The following DYNC2I1 variants were observed in gnomAD, a reference collection of about 807,000 sequenced individuals.
The protein encoded by DYNC2I1 is cytoplasmic dynein 2 intermediate chain 1.
DYNC2I1 carries 89 observed loss-of-function variants against 133.4 expected under a neutral mutation model. The ratio of observed to expected loss-of-function variants is 0.67; its 90% CI spans 0.56 to 0.80. The LOEUF (loss-of-function observed/expected upper bound fraction) is 0.80, where lower values mean the gene tolerates loss of function less well. DYNC2I1 is among the 30% of genes least tolerant of loss of function. DYNC2I1 has a pLI of 0.00. For synonymous variants in DYNC2I1, 504 were observed against 484.3 expected, an observed-to-expected ratio of 1.04 and a Z score of -0.54; for missense variants, 1,291 against 1,314.5, an observed-to-expected ratio of 0.98 and a Z score of 0.28.
chr7:158,879,638 C>G (rs1275890613), intron 4 of DYNC2I1, 46 bp from the exon 5 acceptor site: 1 of 1,516,672 alleles, frequency 6.6e-7, no homozygotes, highest in African/African-American at 1.4e-5. Flanking sequence ...TGGCTGCACT[C>G]CTATTTGATG....
rs886635408 is a variant in DYNC2I1 at position 158,877,273 on chromosome 7, T to A, written c.573+582T>A. Among the ~76,000 whole-genome samples the A allele has an allele frequency of 1.8e-4, 28 of 151,626 alleles. 1 individual carries two copies. Among genetic ancestry groups the A allele is most frequent in the Middle Eastern group, 3.4e-3 (1 of 294 alleles). On this transcript the variant is annotated intron_variant, in intron 4 of 24. Coordinates refer to ENST00000407559, the MANE Select transcript of DYNC2I1 (RefSeq NM_018051.5). ...TTCCGCGGCGCGGGTGTGTTGGTGC[T>A]CTCCAGGCACCTGCGGTTCCGGATT...
intron 8 of DYNC2I1, among the ~76,000 whole-genome samples, chr7:158,894,132 A>ACCGCATATCCTACCGCATATCC (rs1554455812): frequency 0.021 from 3,181 of 151,068 alleles, 81 homozygotes; most frequent in African/African-American, 0.053. Context: ...ACCGCATATC[A>ACCGCATATCCTACCGCATATCC]TACCGCATAT....
At chr7:158,920,535 C>G (rs1848961207) in intron 15 of DYNC2I1, among the ~76,000 whole-genome samples, 1 of 151,934 alleles carries the variant, frequency 6.6e-6, no homozygotes. Context: ...TGTTGGGGAA[C>G]TCGTGAAGTG....
chr7:158,859,668 A>G (rs1332897990), intron 1 of DYNC2I1, among the ~76,000 whole-genome samples: 6 of 152,008 alleles, frequency 3.9e-5, no homozygotes, highest in Non-Finnish European at 5.9e-5. Context: ...ACGCCCAGCT[A>G]ATTTTTGTAT....
At chr7:158,846,521 AT>A in the DYNC2I1 span, among the ~76,000 whole-genome samples, 1 of 152,168 alleles carries the variant, frequency 6.6e-6, no homozygotes. Flanking sequence ...AAAAAAAGGA[AT>A]TTTTTAAAGT....
At chr7:158,854,513 G>C (rs58056552), upstream of DYNC2I1, among the ~76,000 whole-genome samples, 4,743 of 151,278 alleles carry the variant, frequency 0.031, 268 homozygotes, top group African/African-American at 0.11. Flanking sequence ...GGGGGCTGGG[G>C]GATAGCATTA....
Position 158,930,533 on chromosome 7 carries a change from A to T in DYNC2I1, c.2546+18A>T. On this transcript the variant is annotated intron_variant, in intron 21 of 24. Coordinates refer to ENST00000407559, the MANE Select transcript of DYNC2I1 (RefSeq NM_018051.5). ...GGTGACAGGTAAGATGTGAGGGAAAATGCTTCACTATCTCACAAAGACCTA... is the reference window on the plus strand; with the variant it reads ...GGTGACAGGTAAGATGTGAGGGAAATTGCTTCACTATCTCACAAAGACCTA... 1 of 1,605,222 alleles carries T rather than the reference A, an allele frequency of 6.2e-7. No individual in the cohort carries two copies.
In DYNC2I1 at chr7:158,869,842, C is replaced by G; in HGVS notation, c.16-13C>G. The G allele has an allele frequency of 6.2e-7, 1 of 1,605,346 alleles. No individual in the cohort carries two copies. The highest frequency in any genetic ancestry group is 1.1e-5 in the South Asian group (1 of 90,622). On this transcript the variant is annotated splice_polypyrimidine_tract_variant and intron_variant, in intron 1 of 24. Coordinates refer to ENST00000407559, the MANE Select transcript of DYNC2I1 (RefSeq NM_018051.5). Reference sequence around the variant, plus strand: ...TTATTTTAAACATTCTAACTTTATACTTTTCTATTTAGAGAAGAACCAAAG... The same window carrying G: ...TTATTTTAAACATTCTAACTTTATAGTTTTCTATTTAGAGAAGAACCAAAG...
In DYNC2I1 at chr7:158,911,664, A is replaced by G. The variant is rs1847492801; in HGVS notation, c.1575A>G (p.Lys525=). 6.2e-7 allele frequency: 1 copy of G among 1,610,372 alleles called. No individual in the cohort carries two copies. The highest frequency in any genetic ancestry group is 2.2e-5 in the East Asian group (1 of 44,856). Residue 525 remains lysine (K), a synonymous_variant, in exon 12 of 25, where the codon AAA becomes AAG. Coordinates refer to ENST00000407559, the MANE Select transcript of DYNC2I1 (RefSeq NM_018051.5). ...ACATGTATATCAGAAACTTTGGGAA[A>G]AAAAATACCAAGCAGGTAAGTATGA... ...EYDMYIRNFG[K]KNTKQAYVQC... is the part of the protein sequence containing the mutation.
chr7:158,839,745 G>A, the DYNC2I1 span, among the ~76,000 whole-genome samples: 7 of 151,996 alleles, frequency 4.6e-5, no homozygotes, highest in Admixed American at 1.3e-4. Context: ...GCGTGAACCC[G>A]GGAGGCGGAG....
At chr7:158,942,873 A>G (rs1851512053) in intron 24 of DYNC2I1, among the ~76,000 whole-genome samples, 1 of 152,100 alleles carries the variant, frequency 6.6e-6, no homozygotes, top group Admixed American at 6.5e-5. Context: ...AGACGGCTGC[A>G]CTCCCATCAA....
At position 158,856,750 on chromosome 7, in the gene DYNC2I1, G is replaced by T. The variant is rs1338225677; in HGVS notation, c.15G>T (p.Lys5Asn). The T allele has an allele frequency of 4.0e-6, 5 of 1,234,718 alleles. No homozygotes were observed. In the African/African-American group the frequency reaches 6.2e-5, roughly 15 times the overall value. The allele number at this position is 1,234,718 out of a possible 1,614,324, so 76.5% of individuals were successfully genotyped here. Residue 5 changes from lysine to asparagine, a missense_variant and splice_region_variant, in exon 1 of 25, where the codon AAG becomes AAT. By Grantham distance (94) the Lys-to-Asn change is moderately conservative (BLOSUM62 0). Transcript: ENST00000407559. ...TGCGGGAAGCGATGGAGCCCGGGAA[G>T]GTCGGTGCGGCGCTGGGTCTGGGCG... MEPG[K>N]RRTKDDTWKA...
At chr7:158,887,947 G>A (rs563277733) in intron 7 of DYNC2I1, among the ~76,000 whole-genome samples, 2 of 151,636 alleles carry the variant, frequency 1.3e-5, no homozygotes, top group South Asian at 4.2e-4. Context: ...CATAAGAGTA[G>A]GCTTTGTAAT....
At chr7:158,843,621 C>T in the DYNC2I1 span, among the ~76,000 whole-genome samples, 1 of 152,072 alleles carries the variant, frequency 6.6e-6, no homozygotes, top group African/African-American at 2.4e-5. Flanking sequence ...GTCACAAACT[C>T]CTGACCTCAA....
intron 1 of DYNC2I1, among the ~76,000 whole-genome samples, chr7:158,862,981 C>G (rs112829755): frequency 0.062 from 9,400 of 152,002 alleles, 376 homozygotes; most frequent in African/African-American, 0.11. Context: ...AAGCCCCAGA[C>G]CTTTGCAGTG....
chr7:158,952,916 C>T (rs965364557), intron 4 of DYNC2I1, among the ~76,000 whole-genome samples: 8 of 152,232 alleles, frequency 5.3e-5, no homozygotes, highest in Non-Finnish European at 1.0e-4. Flanking sequence ...TGAGCCTCAG[C>T]GCCTGCTGTG....
rs1400146732 is a variant in DYNC2I1 at position 158,923,629 on chromosome 7, A to G, written c.2153A>G (p.His718Arg). 1.4e-5 allele frequency: 22 copies of G among 1,613,964 alleles called. No individual in the cohort carries two copies. Among genetic ancestry groups the G allele is most frequent in the Non-Finnish European group, 1.8e-5 (21 of 1,179,896 alleles). ...TTTTTACTGTTTGCCGGAACAGCGC[A>G]CGGCTCAGTTGTCGTCTGGGATTTG... ...KAFLLFAGTA[H>R]GSVVVWDLRE... The change falls in exon 17 of 25, where the codon CAC becomes CGC. Residue 718 changes from histidine (H) to arginine (R), a missense_variant. Transcript: ENST00000407559.
In DYNC2I1 at chr7:158,856,659, C is replaced by T. The variant is rs936885405; in HGVS notation, c.-77C>T. 1.1e-5 allele frequency: 14 copies of T among 1,222,806 alleles called. No homozygotes were observed. Among genetic ancestry groups the T allele is most frequent in the Admixed American group, 8.5e-5 (2 of 23,656 alleles). The allele number at this position is 1,222,806 out of a possible 1,614,324, so 75.7% of individuals were successfully genotyped here. The stretch of plus-strand genomic sequence containing the variant: ...GACGCGCCTCCCGAAGGGTGCGGGG[C>T]ACAGGTGGCCTCTTCGGGGTGGACC... On this transcript the variant is annotated 5_prime_UTR_variant, in exon 1 of 25. Transcript: ENST00000407559.
chr7:158,915,499 C>T (rs75294889), intron 14 of DYNC2I1, among the ~76,000 whole-genome samples: 3 of 150,036 alleles, frequency 2.0e-5, no homozygotes, highest in Non-Finnish European at 3.0e-5. Context: ...TGTGAAACCT[C>T]GACACGGTGG....
Sources: gnomAD v4.1 joint callset for allele counts (sites outside exome capture counted in the v4.1 genomes callset) on GRCh38, gnomAD v4.1.1 for gene constraint, MANE v1.5 for transcripts, NCBI Gene and HGNC (gene_info 2026-07-23, HGNC 2026-07-21) for gene names.